OTOF: variants seen among roughly 807,000 people sequenced by gnomAD.
OTOF encodes the protein otoferlin, also known as fer-1-like family member 2.
A neutral mutation model predicts 236.8 loss-of-function variants in OTOF; 218 were observed. The observed-to-expected ratio is 0.92, with a 90% CI of 0.82 to 1.03. The LOEUF (loss-of-function observed/expected upper bound fraction) is 1.03. OTOF is among the 50% of genes least tolerant of loss of function. The pLI, the probability that OTOF is intolerant of heterozygous loss-of-function variation, is 0.00. For synonymous variants in OTOF, 1,041 were observed against 1,072.5 expected (o/e 0.97, Z 0.57); for missense variants, 2,590 against 2,694.4 (o/e 0.96, Z 0.86).
intron 1 of OTOF, among the ~76,000 whole-genome samples, chr2:26,553,123 G>A (rs1016775147): frequency 2.4e-4 from 36 of 152,150 alleles, no homozygotes; most frequent in African/African-American, 8.5e-4. Flanking sequence ...GCCAACAGTA[G>A]GGGGACATCT....
At chr2:26,469,503 T>C (rs1664884332) in intron 32 of OTOF, among the ~76,000 whole-genome samples, 1 of 152,238 alleles carries the variant, frequency 6.6e-6, no homozygotes, top group Non-Finnish European at 1.5e-5. Context: ...AGGGACTAGA[T>C]TCTGATCAAT....
chr2:26,470,859 G>T lies in OTOF; in HGVS notation c.3895-138C>A. On this transcript the variant is annotated intron_variant, in intron 31 of 46. Coordinates refer to ENST00000272371, the MANE Select transcript of OTOF (RefSeq NM_194248.3). This position sits in a 1 kb window ranked among gnomAD's most constrained non-coding sequence, Gnocchi z 4.3. The stretch of plus-strand genomic sequence containing the variant: ...TCTGTGGGGCCACCCATGTCCAAGG[G>T]GCAGGGCCTTATTTTATGGAGAAGG... 2 of 1,469,536 alleles carry T rather than the reference G, an allele frequency of 1.4e-6. No individual in the cohort carries two copies. Among genetic ancestry groups the T allele is most frequent in the East Asian group, 2.5e-5 (1 of 40,562 alleles). The allele number at this position is 1,469,536 out of a possible 1,614,324, so 91.0% of individuals were successfully genotyped here.
In OTOF at chr2:26,474,664, T is replaced by A. The variant is rs1427345205; in HGVS notation, c.3137A>T (p.Asp1046Val). The change falls in exon 26 of 47, where the codon GAC becomes GTC. Residue 1046 changes from aspartate (D) to valine (V), a missense_variant. By Grantham distance (152) the Asp-to-Val change is radical. Around this residue, in one of 2 missense-constraint regions of OTOF, gnomAD observed 1,211 missense variants for 1,352.8 expected, o/e 0.90. Coordinates refer to ENST00000272371, the MANE Select transcript of OTOF (RefSeq NM_194248.3). ...TTTGGCGAAGGTCCGGCCCATGAAGTCAGCTTTGCCCTGACGCAACAGACA... is the reference window on the plus strand; with the variant it reads ...TTTGGCGAAGGTCCGGCCCATGAAGACAGCTTTGCCCTGACGCAACAGACA... ...IYDQDSMGKA[D>V]FMGRTFAKPL... is the part of the protein sequence containing the mutation. 1.2e-6 allele frequency: 2 copies of A among 1,613,234 alleles called. No homozygotes were observed. The highest frequency in any genetic ancestry group is 1.7e-6 in the Non-Finnish European group (2 of 1,180,006).
Position 26,477,058 on chromosome 2 carries a change from G to T in OTOF, c.2524-15C>A. On this transcript the variant is annotated splice_polypyrimidine_tract_variant and intron_variant, in intron 21 of 46. Coordinates refer to ENST00000272371, the MANE Select transcript of OTOF (RefSeq NM_194248.3). This position sits in a 1 kb window ranked among gnomAD's most constrained non-coding sequence, Gnocchi z 4.7. Reference sequence around the variant, plus strand: ...CTGTGCTGGGGCTGGGGGTTGGGGGGTGGCCAGGGGCAGTGGGTAAGGGGG... The same window carrying T: ...CTGTGCTGGGGCTGGGGGTTGGGGGTTGGCCAGGGGCAGTGGGTAAGGGGG... 9 of 1,526,660 alleles carry T rather than the reference G, an allele frequency of 5.9e-6. 1 individual carries two copies. The African/African-American group carries it at 6.8e-5, about 12-fold the overall frequency. 94.6% of individuals were successfully genotyped at this position (1,526,660 alleles called of 1,614,324 possible).
rs924607099 is a variant in OTOF, at chr2:26,470,929, C to T, written c.3894+192G>A. ...TTGTGACCTGCCAGTGCGATCCACT[C>T]GCCCAAGCAGGACTGGCACCGAGTC... On this transcript the variant is annotated intron_variant, in intron 31 of 46. Coordinates refer to ENST00000272371, the MANE Select transcript of OTOF (RefSeq NM_194248.3). This position sits in a 1 kb window ranked among gnomAD's most constrained non-coding sequence, Gnocchi z 4.3. Among the ~76,000 whole-genome samples, 3 of 152,136 alleles carry T rather than the reference C, an allele frequency of 2.0e-5. No homozygotes were observed. The highest frequency in any genetic ancestry group is 1.9e-4 in the East Asian group (1 of 5,184).
chr2:26,502,668 A>G (rs181634941), intron 6 of OTOF, among the ~76,000 whole-genome samples: 1 of 152,292 alleles, frequency 6.6e-6, no homozygotes. Context: ...TTTATTGTAT[A>G]CCACTTACTT....
At position 26,482,608 on chromosome 2, in the gene OTOF, G is replaced by A. The variant is rs1665569380; in HGVS notation, c.1393-16C>T. On this transcript the variant is annotated splice_polypyrimidine_tract_variant and intron_variant, in intron 13 of 46. Transcript: ENST00000272371. ...AAGTCTTGCCCTGGTGGAAGGGGGA[G>A]CACAGGTGAGGGCGTGGCATGTGTG... 1.9e-6 allele frequency: 3 copies of A among 1,609,490 alleles called. No homozygotes were observed. The East Asian group carries it at 6.7e-5, about 36-fold the overall frequency.
At chr2:26,494,849 T>C in intron 9 of OTOF, 93 bp downstream of exon 9, 1 of 1,491,390 alleles carries the variant, frequency 6.7e-7, no homozygotes. Context: ...TGTGTGCTCC[T>C]TGACTTCCAG....
chr2:26,476,292 G>A lies in OTOF; in HGVS notation c.2702C>T (p.Ser901Leu), dbSNP rs200599474. 138 of 1,605,330 alleles carry A rather than the reference G, an allele frequency of 8.6e-5. 1 individual carries two copies. The highest frequency in any genetic ancestry group is 1.1e-4 in the Non-Finnish European group (125 of 1,179,808). ...LKLPGKRGFG[S>L]AGWTVQAKVE... The stretch of plus-strand genomic sequence containing the variant: ...CTTGGCCTGCACTGTCCAGCCTGCC[G>A]AGCCGAAGCCCCGCTTCCCTGGCAG... Residue 901 changes from serine to leucine, a missense_variant, in exon 23 of 47, where the codon TCG (serine) becomes TTG (leucine). This residue lies in a region of OTOF where 1,379 missense variants were observed against 1,341.6 expected (regional missense o/e 1.03). Transcript: ENST00000272371.
At chr2:26,528,253 AG>A (rs560720542) in intron 2 of OTOF, among the ~76,000 whole-genome samples, 1 of 152,156 alleles carries the variant, frequency 6.6e-6, no homozygotes, top group East Asian at 1.9e-4. Context: ...CCAGCTCCTG[AG>A]GGGGGTTGGG....
At chr2:26,533,108 G>A (rs1327706085) in intron 2 of OTOF, among the ~76,000 whole-genome samples, 4 of 152,188 alleles carry the variant, frequency 2.6e-5, no homozygotes, top group Non-Finnish European at 5.9e-5. Context: ...ATCAGTGACA[G>A]CATTAGATTC....
intron 3 of OTOF, among the ~76,000 whole-genome samples, chr2:26,525,852 C>T (rs562264652): frequency 2.0e-5 from 3 of 151,830 alleles, no homozygotes; most frequent in Admixed American, 6.6e-5. Context: ...TTTGGGAGGC[C>T]GAGGAGGGTA....
chr2:26,541,291 G>A (rs1667207473), intron 1 of OTOF, among the ~76,000 whole-genome samples: 2 of 152,106 alleles, frequency 1.3e-5, no homozygotes, highest in Non-Finnish European at 2.9e-5. Context: ...AGTAAAATAC[G>A]TGAAATCAGC....
chr2:26,521,614 T>C (rs916493408), intron 3 of OTOF, among the ~76,000 whole-genome samples: 13 of 152,338 alleles, frequency 8.5e-5, no homozygotes, highest in Middle Eastern at 3.4e-3. Flanking sequence ...TGGTAGTCCA[T>C]TCAGCCACTG....
intron 13 of OTOF, among the ~76,000 whole-genome samples, 199 bp downstream of exon 13, chr2:26,483,263 C>G (rs1302889973): frequency 1.3e-5 from 2 of 152,096 alleles, no homozygotes; most frequent in Non-Finnish European, 2.9e-5. Context: ...CCCCCAGCCT[C>G]TCCTCCCTCT....
At chr2:26,534,994 G>A (rs914536083) in intron 2 of OTOF, among the ~76,000 whole-genome samples, 1 of 152,238 alleles carries the variant, frequency 6.6e-6, no homozygotes, top group Non-Finnish European at 1.5e-5. Context: ...AAAGGTTAAA[G>A]CCAGGGTATG....
At chr2:26,516,373 C>G in intron 5 of OTOF, 45 bp downstream of exon 5, 1 of 1,570,896 alleles carries the variant, frequency 6.4e-7, no homozygotes. Context: ...GTCTCTTCCC[C>G]GTGTCTTGGG....
At chr2:26,509,266 C>G (rs1218968864) in intron 5 of OTOF, among the ~76,000 whole-genome samples, 1 of 152,110 alleles carries the variant, frequency 6.6e-6, no homozygotes, top group African/African-American at 2.4e-5. Context: ...TGAGGACTCC[C>G]TAAGAGGACT....
intron 2 of OTOF, among the ~76,000 whole-genome samples, chr2:26,534,797 T>A (rs2148119821): frequency 7.0e-6 from 1 of 143,224 alleles, no homozygotes; most frequent in African/African-American, 2.6e-5. Flanking sequence ...GGCCAGTGTG[T>A]CTCACTAAGC....
Sources: allele counts gnomAD v4.1 joint callset (sites outside exome capture counted in the v4.1 genomes callset), GRCh38; gene constraint gnomAD v4.1.1; regional missense constraint gnomAD v4.1.1; non-coding constraint Gnocchi (gnomAD v3.1); transcripts MANE v1.5; gene names NCBI Gene and HGNC (gene_info 2026-07-23, HGNC 2026-07-21).